The following SHISAL1 variants were observed in gnomAD, a reference collection of about 807,000 sequenced individuals.
SHISAL1 encodes protein shisa-like-1.
SHISAL1 carries 9 observed loss-of-function variants against 22.6 expected under a neutral mutation model. The observed-to-expected ratio is 0.40, with a 90% CI of 0.24 to 0.70. The LOEUF is 0.70. Among genes scored for constraint, SHISAL1 ranks in the 30% least tolerant of loss-of-function variants. The probability of loss-of-function intolerance (pLI) is 0.39; values close to 1 mark genes in which losing one functional copy is unlikely to be tolerated. For missense variants in SHISAL1, 246 were observed against 270.6 expected (o/e 0.91, Z 0.64); for synonymous variants, 119 against 115.4 (o/e 1.03, Z -0.20).
At chr22:44,307,926 C>T (rs941745102) in intron 1 of SHISAL1, among the ~76,000 whole-genome samples, 6 of 152,212 alleles carry the variant, frequency 3.9e-5, no homozygotes, top group Admixed American at 3.9e-4. Flanking sequence ...GGATGCTGGC[C>T]TGATGCCTGG....
the SHISAL1 span, among the ~76,000 whole-genome samples, chr22:44,326,388 G>A: frequency 1.3e-5 from 2 of 152,124 alleles, no homozygotes; most frequent in Admixed American, 6.5e-5. Flanking sequence ...TCTCCTCCGC[G>A]GCAGAGCCGG....
At chr22:44,308,708 G>A (rs1220844745) in intron 1 of SHISAL1, among the ~76,000 whole-genome samples, 1 of 152,228 alleles carries the variant, frequency 6.6e-6, no homozygotes, top group African/African-American at 2.4e-5. Context: ...GGAGCACTCT[G>A]TGCAGCGTGC....
chr22:44,327,698 G>A, the SHISAL1 span, among the ~76,000 whole-genome samples: 4 of 152,114 alleles, frequency 2.6e-5, no homozygotes, highest in African/African-American at 9.7e-5. Flanking sequence ...GGTGCAAAAA[G>A]GGAGGGAGGA....
the SHISAL1 span, among the ~76,000 whole-genome samples, chr22:44,318,537 G>A: frequency 6.6e-6 from 1 of 152,198 alleles, no homozygotes; most frequent in Non-Finnish European, 1.5e-5. Context: ...AACCCAGCTG[G>A]CCCTGTGATC....
rs1215174747 is a variant in SHISAL1, at chr22:44,245,146, GA to G, written c.*4538del. On this transcript the variant is annotated 3_prime_UTR_variant, in exon 5 of 5. Transcript: ENST00000381176. ...AGACACCCTCTGATGCCCACCACGTGAGCAGGATGATTAAGAATTCCTGCAG... is the reference window on the plus strand; with the variant it reads ...AGACACCCTCTGATGCCCACCACGTGGCAGGATGATTAAGAATTCCTGCAG... 6.6e-5 allele frequency: 10 copies of G among 152,366 alleles called. No homozygotes were observed. The highest frequency in any genetic ancestry group is 3.4e-3 in the Middle Eastern group (1 of 294). The allele number at this position is 152,366 out of a possible 1,614,324, so 9.4% of individuals were successfully genotyped here.
chr22:44,300,028 CAG>C (rs199927136), intron 2 of SHISAL1, among the ~76,000 whole-genome samples: 1,641 of 148,088 alleles, frequency 0.011, 37 homozygotes, highest in African/African-American at 0.04. Context: ...GAGACAGACA[CAG>C]AGACACAGAA....
chr22:44,291,070 C>T (rs982356968), intron 3 of SHISAL1, among the ~76,000 whole-genome samples: 13 of 152,170 alleles, frequency 8.5e-5, no homozygotes, highest in South Asian at 2.1e-4. Context: ...GGACAAGTGA[C>T]GTGCTTTGGC....
At chr22:44,304,318 GC>G (rs2055455075) in intron 1 of SHISAL1, among the ~76,000 whole-genome samples, 1 of 152,230 alleles carries the variant, frequency 6.6e-6, no homozygotes, top group African/African-American at 2.4e-5. Flanking sequence ...AACGCACAGT[GC>G]TCATGGCCTG....
At chr22:44,295,928 A>G (rs574260789) in intron 3 of SHISAL1, among the ~76,000 whole-genome samples, 3 of 152,290 alleles carry the variant, frequency 2.0e-5, no homozygotes, top group Admixed American at 6.5e-5. Flanking sequence ...TCAGGCCCTG[A>G]TCCCAATGTA....
chr22:44,299,815 TAGACAG>T (rs1569223757), intron 2 of SHISAL1, among the ~76,000 whole-genome samples: 1 of 136,262 alleles, frequency 7.3e-6, no homozygotes, highest in South Asian at 2.4e-4. Flanking sequence ...GAGGCAGACA[TAGACAG>T]AGACAGAGAC....
intron 2 of SHISAL1, among the ~76,000 whole-genome samples, chr22:44,299,397 CTTCT>C (rs947039756): frequency 1.1e-4 from 16 of 152,248 alleles, no homozygotes; most frequent in African/African-American, 3.9e-4. Flanking sequence ...GGCCGCTTTC[CTTCT>C]GAGTGTCTCA....
intron 4 of SHISAL1, among the ~76,000 whole-genome samples, chr22:44,262,604 T>C (rs1166001525): frequency 6.6e-6 from 1 of 152,222 alleles, no homozygotes; most frequent in African/African-American, 2.4e-5. Context: ...CAGAACTGCA[T>C]ATCTAGCTAG....
chr22:44,244,639 G>A lies in SHISAL1; in HGVS notation c.*5046C>T, dbSNP rs1020986117. On this transcript the variant is annotated 3_prime_UTR_variant, in exon 5 of 5. Coordinates refer to ENST00000381176, the MANE Select transcript of SHISAL1 (RefSeq NM_001099294.2). ...CACGGGTGGGACAGGTAAGTGTTCT[G>A]AATTCATTTTGTGAATCTGAGCATG... 27 of 152,124 alleles carry A rather than the reference G, an allele frequency of 1.8e-4. No individual in the cohort carries two copies. The highest frequency in any genetic ancestry group is 6.5e-4 in the African/African-American group (27 of 41,416). The allele number at this position is 152,124 out of a possible 1,614,324, so 9.4% of individuals were successfully genotyped here. A position where few individuals can be genotyped will look rare whatever the true frequency, so the allele number is the denominator to read the frequency against.
rs1399494623 is a variant in SHISAL1, at chr22:44,243,694, T to A, written c.*5991A>T. 6.6e-6 allele frequency: 1 copy of A among 152,196 alleles called. No individual in the cohort carries two copies. Among genetic ancestry groups the A allele is most frequent in the African/African-American group, 2.4e-5 (1 of 41,440 alleles). The allele number at this position is 152,196 out of a possible 1,614,324, so 9.4% of individuals were successfully genotyped here. A position where few individuals can be genotyped will look rare whatever the true frequency, so the allele number is the denominator to read the frequency against. ...GAACAGTTGACATGACACTCCTTTA[T>A]TAAAACCTAGGGACATTGTTATAAA... On this transcript the variant is annotated 3_prime_UTR_variant, in exon 5 of 5. Coordinates refer to ENST00000381176, the MANE Select transcript of SHISAL1 (RefSeq NM_001099294.2).
At position 44,288,876 on chromosome 22, in the gene SHISAL1, G is replaced by A. The variant is rs1236194725; in HGVS notation, c.282-3131C>T. ...ACTGGATTTCCCAGAACACACTGTT[G>A]TCTTTGTTGTTTTGTAGGACTGTCT... is the stretch of plus-strand genomic sequence containing the variant. On this transcript the variant is annotated intron_variant, in intron 3 of 4. Coordinates refer to ENST00000381176, the MANE Select transcript of SHISAL1 (RefSeq NM_001099294.2). 6.6e-5 allele frequency among the ~76,000 whole-genome samples: 10 copies of A among 152,214 alleles called. No individual in the cohort carries two copies. In the East Asian group the frequency reaches 1.9e-3, roughly 29 times the overall value.
chr22:44,302,326 C>T (rs1242979555), intron 1 of SHISAL1, among the ~76,000 whole-genome samples: 45 of 115,050 alleles, frequency 3.9e-4, no homozygotes, highest in African/African-American at 6.1e-4. Context: ...GGCGACAGAG[C>T]GAGACTCCGT....
intron 3 of SHISAL1, among the ~76,000 whole-genome samples, chr22:44,288,939 GGGTTCAAATT>G (rs1166347137): frequency 6.6e-6 from 1 of 152,220 alleles, no homozygotes; most frequent in East Asian, 1.9e-4. Flanking sequence ...GGCGGGGTTG[GGGTTCAAATT>G]GTCTTTATGA....
At chr22:44,309,648 G>A (rs1437398846) in intron 1 of SHISAL1, among the ~76,000 whole-genome samples, 1 of 152,174 alleles carries the variant, frequency 6.6e-6, no homozygotes, top group Admixed American at 6.5e-5. Context: ...GTTTACCCCT[G>A]CAGGCAGCAC....
chr22:44,323,028 ACCAT>A, the SHISAL1 span, among the ~76,000 whole-genome samples: 443 of 126,730 alleles, frequency 3.5e-3, no homozygotes, highest in African/African-American at 0.012. Context: ...GCATCCATCC[ACCAT>A]CCATCCATCC....
Sources: allele counts gnomAD v4.1 joint callset (sites outside exome capture counted in the v4.1 genomes callset), GRCh38; gene constraint gnomAD v4.1.1; transcripts MANE v1.5; gene names NCBI Gene and HGNC (gene_info 2026-07-23, HGNC 2026-07-21).